WNT2: variants seen among roughly 807,000 people sequenced by gnomAD.
The protein encoded by WNT2 is Wnt family member 2.
Under a neutral mutation model 36.9 loss-of-function variants are expected in WNT2, and 12 were observed. That is an observed-to-expected ratio of 0.33 (90% CI 0.21 to 0.53). The LOEUF (loss-of-function observed/expected upper bound fraction) is 0.53, where lower values mean the gene tolerates loss of function less well. WNT2 is among the 20% of genes least tolerant of loss of function. The probability of loss-of-function intolerance (pLI) is 0.95; values close to 1 mark genes in which losing one functional copy is unlikely to be tolerated. For synonymous variants in WNT2, 163 were observed against 174.6 expected (o/e 0.93, Z 0.52); for missense variants, 379 against 473.1 (o/e 0.80, Z 1.84).
chr7:117,322,737 G>A lies in WNT2; in HGVS notation c.83+170C>T, dbSNP rs1312909250. On this transcript the variant is annotated intron_variant, in intron 1 of 4. Coordinates refer to ENST00000265441, the MANE Select transcript of WNT2 (RefSeq NM_003391.3). The surrounding 1 kb of genome is among the most constrained non-coding windows in gnomAD (Gnocchi z 5.4). ...TGTCAAAGCTGAAATGATCTTCTGG[G>A]AAAAGAGAAGGGGCTCACCATGGGG... 6.6e-6 allele frequency among the ~76,000 whole-genome samples: 1 copy of A among 152,136 alleles called. No homozygotes were observed. Among genetic ancestry groups the A allele is most frequent in the Non-Finnish European group, 1.5e-5 (1 of 68,014 alleles).
chr7:117,310,583 A>C (rs990839807), intron 3 of WNT2, among the ~76,000 whole-genome samples: 32 of 74,082 alleles, frequency 4.3e-4, no homozygotes, highest in Non-Finnish European at 8.6e-4. Flanking sequence ...ACCCTGTCTC[A>C]AAAAAAAAAA....
chr7:117,308,807 T>C lies in WNT2; in HGVS notation c.588+6264A>G, dbSNP rs118042147. Among the ~76,000 whole-genome samples, 168 of 152,324 alleles carry C rather than the reference T, an allele frequency of 1.1e-3. 1 individual carries two copies. The East Asian group carries it at 0.029, about 26-fold the overall frequency. ...CCTACTTTCTAAGAGTGTGATTTCTTTGTCATCATGCCCCAGTTCTCTTAG... is the reference window on the plus strand; with the variant it reads ...CCTACTTTCTAAGAGTGTGATTTCTCTGTCATCATGCCCCAGTTCTCTTAG... On this transcript the variant is annotated intron_variant, in intron 3 of 4. Coordinates refer to ENST00000265441, the MANE Select transcript of WNT2 (RefSeq NM_003391.3).
At chr7:117,303,881 C>T (rs1466553265) in intron 3 of WNT2, among the ~76,000 whole-genome samples, 5 of 152,164 alleles carry the variant, frequency 3.3e-5, no homozygotes, top group Non-Finnish European at 7.3e-5. Flanking sequence ...CGTTTTCCAC[C>T]TCACAATTGT....
chr7:117,305,529 G>T (rs73213806), intron 3 of WNT2, among the ~76,000 whole-genome samples: 11,606 of 152,136 alleles, frequency 0.076, 506 homozygotes, highest in Non-Finnish European at 0.11. Context: ...CTGCTGTATT[G>T]AATCTAATAT....
rs867894506 is a variant in WNT2, at chr7:117,276,568, T to C, written c.*1587A>G. 1 of 152,230 alleles carries C rather than the reference T, an allele frequency of 6.6e-6. No individual in the cohort carries two copies. Among genetic ancestry groups the C allele is most frequent in the Admixed American group, 6.5e-5 (1 of 15,284 alleles). The allele number at this position is 152,230 out of a possible 1,614,324, so 9.4% of individuals were successfully genotyped here. A position where few individuals can be genotyped will look rare whatever the true frequency, so the allele number is the denominator to read the frequency against. On this transcript the variant is annotated 3_prime_UTR_variant, in exon 5 of 5. Coordinates refer to ENST00000265441, the MANE Select transcript of WNT2 (RefSeq NM_003391.3). ...GGCAAAGTACTCCAGTAGGTTGTTT[T>C]GTACGAGTCTCAGTCTAAATGACCT... is the stretch of plus-strand genomic sequence containing the variant.
At chr7:117,317,835 T>C (rs1795249454) in intron 2 of WNT2, among the ~76,000 whole-genome samples, 2 of 152,230 alleles carry the variant, frequency 1.3e-5, no homozygotes, top group Non-Finnish European at 2.9e-5. Context: ...CTCTAGAAGC[T>C]AGGGTTTCTT....
rs900791497 is a variant in WNT2, at chr7:117,299,479, C to CTTCT, written c.589-1607_589-1604dup. On this transcript the variant is annotated intron_variant, in intron 3 of 4. Transcript: ENST00000265441. ...GACAGGAAATATTACTGCTCCTCCT[C>CTTCT]TTCTTTCTTTCTTTCTTTTTTTTTT... Among the ~76,000 whole-genome samples, 14 of 150,874 alleles carry CTTCT rather than the reference C, an allele frequency of 9.3e-5. No individual in the cohort carries two copies. The East Asian group carries it at 2.6e-3, about 28-fold the overall frequency.
chr7:117,280,728 T>C (rs1794467029), intron 4 of WNT2, among the ~76,000 whole-genome samples: 1 of 152,236 alleles, frequency 6.6e-6, no homozygotes, highest in Admixed American at 6.5e-5. Context: ...AAAACTGGAA[T>C]AAAAATAGTT....
At chr7:117,302,921 A>G (rs1249860679) in intron 3 of WNT2, among the ~76,000 whole-genome samples, 1 of 152,216 alleles carries the variant, frequency 6.6e-6, no homozygotes, top group Non-Finnish European at 1.5e-5. Context: ...TGGTCTTGAA[A>G]GAGAGGGGAA....
chr7:117,322,979 G>A lies in WNT2; in HGVS notation c.11C>T (p.Pro4Leu). The A allele has an allele frequency of 6.2e-7, 1 of 1,612,702 alleles. No individual in the cohort carries two copies. The highest frequency in any genetic ancestry group is 1.1e-5 in the South Asian group (1 of 91,030). ...GAGCCAGAGCCAGATTCCACCGAGAGGGGCGTTCATATTAACCCCCTTGCG... is the reference window on the plus strand; with the variant it reads ...GAGCCAGAGCCAGATTCCACCGAGAAGGGCGTTCATATTAACCCCCTTGCG... MNA[P>L]LGGIWLWLPL... The change falls in exon 1 of 5, where the codon CCT becomes CTT. Residue 4 changes from proline to leucine, a missense_variant. Pro to Leu is a moderately conservative substitution (Grantham distance 98). Coordinates refer to ENST00000265441, the MANE Select transcript of WNT2 (RefSeq NM_003391.3). This position sits in a 1 kb window ranked among gnomAD's most constrained non-coding sequence, Gnocchi z 5.4.
intron 4 of WNT2, among the ~76,000 whole-genome samples, chr7:117,293,363 A>G (rs1041876187): frequency 2.0e-5 from 3 of 152,102 alleles, no homozygotes; most frequent in Admixed American, 2.0e-4. Context: ...TGATTCCCTA[A>G]TAATGTTCAA....
At chr7:117,292,414 T>C (rs1350533203) in intron 4 of WNT2, among the ~76,000 whole-genome samples, 1 of 152,236 alleles carries the variant, frequency 6.6e-6, no homozygotes, top group Non-Finnish European at 1.5e-5. Flanking sequence ...TAAGTAACTT[T>C]GCGGAACCTC....
chr7:117,292,854 A>G (rs1794716182), intron 4 of WNT2, among the ~76,000 whole-genome samples: 1 of 152,224 alleles, frequency 6.6e-6, no homozygotes, highest in Non-Finnish European at 1.5e-5. Context: ...AGGTACTGAA[A>G]AAACATATAT....
At chr7:117,320,904 A>G in intron 1 of WNT2, 111 bp from the exon 2 acceptor site, 2 of 934,738 alleles carry the variant, frequency 2.1e-6, no homozygotes, top group East Asian at 5.3e-5. Flanking sequence ...TGAATTCCTT[A>G]TCCTTCTGGT....
In WNT2 at chr7:117,322,924, C is replaced by A. The variant is rs142169125; in HGVS notation, c.66G>T (p.Glu22Asp). 5.2e-5 allele frequency: 84 copies of A among 1,613,904 alleles called. 1 individual carries two copies. In the Middle Eastern group the frequency reaches 2.3e-3, roughly 44 times the overall value. ...LPLLLTWLTP[E>D]VNSSWWYMRA... ...GGACTTACCACCATGAAGAGTTGAC[C>A]TCGGGGGTGAGCCAGGTCAAGAGCA... Residue 22 changes from glutamate to aspartate, a missense_variant, in exon 1 of 5, where the codon GAG (glutamate) becomes GAT (aspartate). Transcript: ENST00000265441. This position sits in a 1 kb window ranked among gnomAD's most constrained non-coding sequence, Gnocchi z 5.4.
Position 117,322,884 on chromosome 7 carries a change from C to T in WNT2, c.83+23G>A, listed in dbSNP as rs1795355994. 1.9e-6 allele frequency: 3 copies of T among 1,612,548 alleles called. No homozygotes were observed. The highest frequency in any genetic ancestry group is 2.5e-6 in the Non-Finnish European group (3 of 1,179,376). On this transcript the variant is annotated intron_variant, in intron 1 of 4. Coordinates refer to ENST00000265441, the MANE Select transcript of WNT2 (RefSeq NM_003391.3). The surrounding 1 kb of genome is among the most constrained non-coding windows in gnomAD (Gnocchi z 5.4). ...CCCCATTCCGATCTCCAAAATCCCC[C>T]GCGCCCGTGCGCGTGGACTTACCAC...
intron 4 of WNT2, among the ~76,000 whole-genome samples, chr7:117,285,757 T>C (rs1187190506): frequency 2.6e-5 from 4 of 152,366 alleles, no homozygotes; most frequent in African/African-American, 9.6e-5. Context: ...TGGTTTATAA[T>C]GTTATTTCTT....
Position 117,320,885 on chromosome 7 carries a change from T to A in WNT2, c.84-92A>T, listed in dbSNP as rs901835149. On this transcript the variant is annotated intron_variant, in intron 1 of 4. Transcript: ENST00000265441. ...GGGAGACTAAGGAGTTCAAAGCACT[T>A]TTCAAATATGAATTCCTTATCCTTC... 4 of 1,087,856 alleles carry A rather than the reference T, an allele frequency of 3.7e-6. No individual in the cohort carries two copies. The African/African-American group carries it at 6.2e-5, about 17-fold the overall frequency. The allele number at this position is 1,087,856 out of a possible 1,614,324, so 67.4% of individuals were successfully genotyped here.
Position 117,320,790 on chromosome 7 carries a change from G to A in WNT2, c.87C>T (p.Tyr29=), listed in dbSNP as rs1270206773. The A allele has an allele frequency of 1.2e-6, 2 of 1,607,676 alleles. No individual in the cohort carries two copies. The highest frequency in any genetic ancestry group is 8.5e-7 in the Non-Finnish European group (1 of 1,178,610). Residue 29 remains tyrosine, a synonymous_variant, in exon 2 of 5, where the codon TAC becomes TAT. Coordinates refer to ENST00000265441, the MANE Select transcript of WNT2 (RefSeq NM_003391.3). ...TGGAGGAGCCACCTGTAGCTCTCATGTACCTATAAGGGACCAACCAACACA... is the reference window on the plus strand; with the variant it reads ...TGGAGGAGCCACCTGTAGCTCTCATATACCTATAAGGGACCAACCAACACA... ...LTPEVNSSWW[Y]MRATGGSSRV...
Sources: allele counts gnomAD v4.1 joint callset (sites outside exome capture counted in the v4.1 genomes callset), GRCh38; gene constraint gnomAD v4.1.1; non-coding constraint Gnocchi (gnomAD v3.1); transcripts MANE v1.5; gene names NCBI Gene and HGNC (gene_info 2026-07-23, HGNC 2026-07-21).